The following PTPRM variants were observed in gnomAD, a reference collection of about 807,000 sequenced individuals.
PTPRM encodes the protein receptor-type tyrosine-protein phosphatase mu.
A neutral mutation model predicts 186.7 loss-of-function variants in PTPRM; 47 were observed. The ratio of observed to expected loss-of-function variants is 0.25; its 90% CI spans 0.20 to 0.32. The LOEUF is 0.32. Among genes scored for constraint, PTPRM ranks in the 10% least tolerant of loss-of-function variants. The probability of loss-of-function intolerance (pLI) is 1.00; values close to 1 mark genes in which losing one functional copy is unlikely to be tolerated. For synonymous variants in PTPRM, 668 were observed against 674.9 expected, an observed-to-expected ratio of 0.99 and a Z score of 0.16; for missense variants, 1,494 against 1,865.0, an observed-to-expected ratio of 0.80 and a Z score of 3.66.
chr18:8,002,696 C>G (rs1354329672), intron 7 of PTPRM, among the ~76,000 whole-genome samples: 1 of 152,174 alleles, frequency 6.6e-6, no homozygotes, highest in Non-Finnish European at 1.5e-5. Context: ...GTGGCAAGAC[C>G]CAGCAATCTT....
chr18:7,938,133 C>G (rs2051943085), intron 5 of PTPRM, among the ~76,000 whole-genome samples: 2 of 152,134 alleles, frequency 1.3e-5, no homozygotes. Context: ...GTTTTTGGAT[C>G]TTCTCATTGG....
At chr18:7,886,780 C>A (rs1220331342) in intron 2 of PTPRM, among the ~76,000 whole-genome samples, 4 of 152,128 alleles carry the variant, frequency 2.6e-5, no homozygotes, top group Non-Finnish European at 5.9e-5. Context: ...AAGGTAGCAA[C>A]CATAAGAAAG....
rs370746043 is a variant in PTPRM, at chr18:7,842,947, T to TATATATATATAGAGAGAGAG, written c.197-45158_197-45157insTATATATATAGAGAGAGAGA. On this transcript the variant is annotated intron_variant, in intron 2 of 32. Transcript: ENST00000580170. ...GTGTGTGTGTATATATATATATATATAGAGAGAGAGAGAGAGAGAGAGAGA... is the reference window on the plus strand; with the variant it reads ...GTGTGTGTGTATATATATATATATATATATATATATAGAGAGAGAGAGAGAGAGAGAGAGAGAGAGAGAGA... Among the ~76,000 whole-genome samples the TATATATATATAGAGAGAGAG allele has an allele frequency of 2.4e-3, 270 of 112,088 alleles. 3 individuals carry two copies. Among genetic ancestry groups the TATATATATATAGAGAGAGAG allele is most frequent in the African/African-American group, 9.0e-3 (215 of 23,770 alleles). 73.5% of individuals were successfully genotyped at this position (112,088 alleles called of 152,430 possible). A position where few individuals can be genotyped will look rare whatever the true frequency, so the allele number is the denominator to read the frequency against.
chr18:8,034,903 G>A lies in PTPRM; in HGVS notation c.1133-34783G>A, dbSNP rs372178964. ...TAAGCCTAGTGGGTCTCCTGTGTAT[G>A]TTAGAGGATCCAGGTCATTAGACAA... On this transcript the variant is annotated intron_variant, in intron 7 of 32. Coordinates refer to ENST00000580170, the MANE Select transcript of PTPRM (RefSeq NM_001105244.2). 9.2e-5 allele frequency among the ~76,000 whole-genome samples: 14 copies of A among 152,240 alleles called. No individual in the cohort carries two copies. In the East Asian group the frequency reaches 2.1e-3, roughly 23 times the overall value.
chr18:7,732,819 C>T (rs1240398181), intron 1 of PTPRM, among the ~76,000 whole-genome samples: 2 of 152,120 alleles, frequency 1.3e-5, no homozygotes, highest in African/African-American at 4.8e-5. Context: ...AATATGGACT[C>T]TTGAGCCCCA....
intron 24 of PTPRM, among the ~76,000 whole-genome samples, chr18:8,375,740 T>C (rs1381893072): frequency 6.6e-6 from 1 of 152,166 alleles, no homozygotes; most frequent in African/African-American, 2.4e-5. Context: ...ACCTTTAACA[T>C]AGTCTACTTT....
chr18:8,131,497 T>TC (rs2092506302), intron 13 of PTPRM, among the ~76,000 whole-genome samples: 1 of 152,198 alleles, frequency 6.6e-6, no homozygotes, highest in Admixed American at 6.6e-5. Context: ...ATTTTATACT[T>TC]CCCTGCCACC....
chr18:7,975,693 T>G (rs764552368), intron 7 of PTPRM, among the ~76,000 whole-genome samples: 7 of 152,294 alleles, frequency 4.6e-5, no homozygotes, highest in South Asian at 2.1e-4. Context: ...ACAAATACTC[T>G]CATTGTGTTA....
intron 7 of PTPRM, among the ~76,000 whole-genome samples, chr18:7,968,133 G>T (rs2147268107): frequency 9.4e-6 from 1 of 106,426 alleles, no homozygotes; most frequent in East Asian, 2.3e-4. Flanking sequence ...CAAGCCAGAA[G>T]AGAGTGGGGG....
chr18:7,999,107 C>T (rs1240355865), intron 7 of PTPRM, among the ~76,000 whole-genome samples: 2 of 152,146 alleles, frequency 1.3e-5, no homozygotes, highest in Admixed American at 1.3e-4. Context: ...AGGTGGGAAC[C>T]GCCCTGGACA....
chr18:8,145,160 T>C (rs1354007209), intron 14 of PTPRM, among the ~76,000 whole-genome samples: 2 of 152,182 alleles, frequency 1.3e-5, no homozygotes, highest in Non-Finnish European at 2.9e-5. Context: ...AGTTAAATTT[T>C]AGTAGCCATT....
At chr18:8,368,170 C>T (rs2095643438) in intron 23 of PTPRM, among the ~76,000 whole-genome samples, 1 of 150,956 alleles carries the variant, frequency 6.6e-6, no homozygotes, top group African/African-American at 2.4e-5. Context: ...AAAAACTAAT[C>T]CCCCAATATA....
At chr18:8,214,996 T>C (rs191238575) in intron 14 of PTPRM, among the ~76,000 whole-genome samples, 3 of 152,216 alleles carry the variant, frequency 2.0e-5, no homozygotes, top group Non-Finnish European at 4.4e-5. Flanking sequence ...AGGACTAAGC[T>C]TGACTATCTT....
chr18:8,298,976 C>T (rs570886200), intron 20 of PTPRM, among the ~76,000 whole-genome samples: 13 of 152,212 alleles, frequency 8.5e-5, no homozygotes, highest in East Asian at 7.7e-4. Context: ...ATTAGTTGGG[C>T]GTGATGGTGC....
chr18:8,008,175 G>A (rs561380126), intron 7 of PTPRM, among the ~76,000 whole-genome samples: 2 of 152,284 alleles, frequency 1.3e-5, no homozygotes, highest in African/African-American at 4.8e-5. Flanking sequence ...AGATGCTAAT[G>A]TAGCTGCCCT....
chr18:7,783,553 T>C (rs966603856), intron 2 of PTPRM, among the ~76,000 whole-genome samples: 8 of 152,100 alleles, frequency 5.3e-5, no homozygotes, highest in African/African-American at 1.9e-4. Flanking sequence ...CAGTGCCCTC[T>C]CTTTTTATTA....
At chr18:7,879,594 A>G (rs1211794031) in intron 2 of PTPRM, among the ~76,000 whole-genome samples, 1 of 152,186 alleles carries the variant, frequency 6.6e-6, no homozygotes, top group East Asian at 1.9e-4. Flanking sequence ...TTTATGAATA[A>G]TAAAAATGGC....
intron 6 of PTPRM, among the ~76,000 whole-genome samples, chr18:7,951,065 T>C (rs1229760504): frequency 6.6e-6 from 1 of 152,194 alleles, no homozygotes; most frequent in Non-Finnish European, 1.5e-5. Flanking sequence ...ACTCGGATAA[T>C]GTATTTGTCA....
chr18:8,219,776 TTAAGA>T (rs1162130208), intron 14 of PTPRM, among the ~76,000 whole-genome samples: 2 of 152,174 alleles, frequency 1.3e-5, no homozygotes, highest in Non-Finnish European at 2.9e-5. Context: ...ATGTTTTAAG[TTAAGA>T]TAAGCATGCT....
Sources: gnomAD v4.1 joint callset for allele counts (sites outside exome capture counted in the v4.1 genomes callset) on GRCh38, gnomAD v4.1.1 for gene constraint, MANE v1.5 for transcripts, NCBI Gene and HGNC (gene_info 2026-07-23, HGNC 2026-07-21) for gene names.